FAM171A1: variants seen among roughly 807,000 people sequenced by gnomAD.
FAM171A1 encodes family with sequence similarity 171 member A1.
FAM171A1 carries 23 observed loss-of-function variants against 74.9 expected under a neutral mutation model. That is an observed-to-expected ratio of 0.31 (90% CI 0.22 to 0.44). The LOEUF is 0.44. Ranked by LOEUF, FAM171A1 falls within the 20% of genes least tolerant of loss-of-function variation. FAM171A1 has a pLI of 1.00. For missense variants in FAM171A1, 1,162 were observed against 1,159.2 expected (o/e 1.00, Z -0.03); for synonymous variants, 527 against 505.7 (o/e 1.04, Z -0.57).
Position 15,263,917 on chromosome 10 carries a change from TTCCG to T in FAM171A1, c.419-9042_419-9039del, listed in dbSNP as rs1240475731. ...TATCTATCTATCTATCCGTCCATCC[TTCCG>T]TCCGTCCGTCCGTCCATCCATCCAT... On this transcript the variant is annotated intron_variant, in intron 3 of 7. Transcript: ENST00000378116. 2.1e-3 allele frequency among the ~76,000 whole-genome samples: 323 copies of T among 151,310 alleles called. 1 individual carries two copies. Among genetic ancestry groups the T allele is most frequent in the African/African-American group, 7.3e-3 (301 of 41,052 alleles).
intron 1 of FAM171A1, among the ~76,000 whole-genome samples, chr10:15,327,252 C>T (rs753888900): frequency 6.6e-6 from 1 of 152,162 alleles, no homozygotes; most frequent in Non-Finnish European, 1.5e-5. Flanking sequence ...AGGCCACTCA[C>T]CTCATAGATT....
At chr10:15,357,552 T>A (rs902013996) in intron 1 of FAM171A1, among the ~76,000 whole-genome samples, 2 of 152,202 alleles carry the variant, frequency 1.3e-5, no homozygotes, top group African/African-American at 4.8e-5. Flanking sequence ...GAGCTGCACA[T>A]GTGTATGCCT....
intron 6 of FAM171A1, among the ~76,000 whole-genome samples, chr10:15,220,655 GTC>G (rs980435257): frequency 2.6e-5 from 4 of 152,046 alleles, no homozygotes; most frequent in Non-Finnish European, 5.9e-5. Flanking sequence ...GGTCTTGCTG[GTC>G]TCTGTGGGCT....
In FAM171A1 at chr10:15,213,589, G is replaced by C. The variant is rs1383120147; in HGVS notation, c.1999C>G (p.Leu667Val). The change falls in exon 8 of 8, where the codon CTC (leucine) becomes GTC (valine). Residue 667 changes from leucine (L) to valine (V), a missense_variant. Physicochemically the swap from Leu to Val is conservative, Grantham distance 32. Coordinates refer to ENST00000378116, the MANE Select transcript of FAM171A1 (RefSeq NM_001010924.2). This position sits in a 1 kb window ranked among gnomAD's most constrained non-coding sequence, Gnocchi z 6.8. ...SPQNASMSESLSIPASLNDAA... is the reference protein window; with the variant it reads ...SPQNASMSESVSIPASLNDAA... The stretch of plus-strand genomic sequence containing the variant: ...TCGTTCAGGGAAGCTGGGATGGAGA[G>C]AGACTCCGACATGGATGCGTTCTGA... 2 of 1,614,062 alleles carry C rather than the reference G, an allele frequency of 1.2e-6. No homozygotes were observed. Among genetic ancestry groups the C allele is most frequent in the Non-Finnish European group, 1.7e-6 (2 of 1,180,044 alleles).
At chr10:15,272,183 G>T (rs1834834151) in intron 3 of FAM171A1, among the ~76,000 whole-genome samples, 1 of 152,140 alleles carries the variant, frequency 6.6e-6, no homozygotes, top group Non-Finnish European at 1.5e-5. Flanking sequence ...ATAAAGGGAT[G>T]GAGGAAGATC....
At chr10:15,265,177 C>G (rs545243561) in intron 3 of FAM171A1, among the ~76,000 whole-genome samples, 1 of 152,064 alleles carries the variant, frequency 6.6e-6, no homozygotes, top group Admixed American at 6.6e-5. Flanking sequence ...TCTTACTCCT[C>G]GGGCCGATTT....
At chr10:15,306,103 G>A (rs546272286) in intron 1 of FAM171A1, among the ~76,000 whole-genome samples, 4 of 152,302 alleles carry the variant, frequency 2.6e-5, no homozygotes, top group South Asian at 4.1e-4. Flanking sequence ...CATGGGTCTC[G>A]TGTGCAACTC....
intron 1 of FAM171A1, among the ~76,000 whole-genome samples, chr10:15,286,237 A>G (rs1048865792): frequency 6.6e-6 from 1 of 152,170 alleles, no homozygotes; most frequent in African/African-American, 2.4e-5. Context: ...TATATAAAAC[A>G]AAAGGGACAG....
intron 1 of FAM171A1, among the ~76,000 whole-genome samples, chr10:15,320,086 T>C (rs552753980): frequency 3.3e-5 from 5 of 152,142 alleles, no homozygotes; most frequent in Non-Finnish European, 5.9e-5. Context: ...GTAATGAACA[T>C]AGTCCCCAAG....
At chr10:15,364,389 A>G (rs1056059028) in intron 1 of FAM171A1, among the ~76,000 whole-genome samples, 31 of 152,298 alleles carry the variant, frequency 2.0e-4, no homozygotes, top group African/African-American at 7.0e-4. Flanking sequence ...GTGGTCCCCA[A>G]GGATCCCTGT....
intron 1 of FAM171A1, among the ~76,000 whole-genome samples, chr10:15,313,090 T>A (rs1835383221): frequency 6.6e-6 from 1 of 152,192 alleles, no homozygotes; most frequent in African/African-American, 2.4e-5. Context: ...CATCTCCCTG[T>A]GTGCCAGGAA....
At chr10:15,288,358 T>C (rs1312455830) in intron 1 of FAM171A1, among the ~76,000 whole-genome samples, 1 of 152,094 alleles carries the variant, frequency 6.6e-6, no homozygotes, top group Non-Finnish European at 1.5e-5. Flanking sequence ...TTTGGTTACA[T>C]GAGTAAGTTT....
intron 3 of FAM171A1, 94 bp downstream of exon 3, chr10:15,275,761 A>T: frequency 1.3e-6 from 1 of 786,546 alleles, no homozygotes; most frequent in Non-Finnish European, 2.0e-6. Flanking sequence ...TCCACCTTGT[A>T]TACAAACATC....
In FAM171A1 at chr10:15,214,598, C is replaced by T. The variant is rs1323576918; in HGVS notation, c.990G>A (p.Arg330=). ...GGTGCTGACGAGGTTTCAAGCACTT[C>T]CTCCTGCGCCCAAAGACACAATCCA... ...LLCLLLYYCR[R]KCLKPRQHHR... is the part of the protein sequence containing the mutation. The change falls in exon 8 of 8, where the codon AGG becomes AGA. Residue 330 remains arginine (R), a synonymous_variant. Transcript: ENST00000378116. The T allele has an allele frequency of 5.1e-6, 8 of 1,578,466 alleles. No individual in the cohort carries two copies. Among genetic ancestry groups the T allele is most frequent in the South Asian group, 1.2e-5 (1 of 86,094 alleles).
intron 1 of FAM171A1, among the ~76,000 whole-genome samples, chr10:15,336,688 T>C (rs905683365): frequency 6.6e-6 from 1 of 152,182 alleles, no homozygotes; most frequent in African/African-American, 2.4e-5. Context: ...CATGGAAATA[T>C]GGTTTTAGTT....
chr10:15,262,256 C>G (rs1466368840), intron 3 of FAM171A1, among the ~76,000 whole-genome samples: 2 of 152,176 alleles, frequency 1.3e-5, no homozygotes, highest in Non-Finnish European at 2.9e-5. Context: ...GGTGCAGAGT[C>G]TGATGTCAGA....
At chr10:15,297,172 C>A (rs1835172089) in intron 1 of FAM171A1, among the ~76,000 whole-genome samples, 1 of 151,940 alleles carries the variant, frequency 6.6e-6, no homozygotes, top group South Asian at 2.1e-4. Flanking sequence ...ATTCTCCCTA[C>A]CTCAGCCTCC....
intron 1 of FAM171A1, among the ~76,000 whole-genome samples, chr10:15,324,350 C>T (rs568301950): frequency 6.6e-6 from 1 of 152,268 alleles, no homozygotes; most frequent in South Asian, 2.1e-4. Context: ...AGGTCCTTCC[C>T]CCATCCTCAA....
chr10:15,260,275 T>C (rs1588517493), intron 3 of FAM171A1, among the ~76,000 whole-genome samples: 1 of 152,228 alleles, frequency 6.6e-6, no homozygotes, highest in East Asian at 1.9e-4. Context: ...ATCTCTCTTG[T>C]AGCACTGCTC....
Sources: allele counts gnomAD v4.1 joint callset (sites outside exome capture counted in the v4.1 genomes callset), GRCh38; gene constraint gnomAD v4.1.1; non-coding constraint Gnocchi (gnomAD v3.1); transcripts MANE v1.5; gene names NCBI Gene and HGNC (gene_info 2026-07-23, HGNC 2026-07-21).